The following NFIL3 variants were observed in gnomAD, a reference collection of about 807,000 sequenced individuals.
NFIL3 encodes nuclear factor interleukin-3-regulated protein.
In NFIL3, 5 loss-of-function variants were observed where a neutral mutation model predicts 10.0. That is an observed-to-expected ratio of 0.50 (90% CI 0.26 to 1.06). The LOEUF (loss-of-function observed/expected upper bound fraction) is 1.06. Ranked by LOEUF, NFIL3 falls within the 50% of genes least tolerant of loss-of-function variation. The pLI is 0.13. For synonymous variants in NFIL3, 202 were observed against 206.5 expected, an observed-to-expected ratio of 0.98 and a Z score of 0.19; for missense variants, 436 against 547.6, an observed-to-expected ratio of 0.80 and a Z score of 2.03.
At position 91,410,220 on chromosome 9, in the gene NFIL3, G is replaced by T; in HGVS notation, c.515C>A (p.Ser172Ter). 1 of 1,614,068 alleles carries T rather than the reference G, an allele frequency of 6.2e-7. No individual in the cohort carries two copies. The highest frequency in any genetic ancestry group is 8.5e-7 in the Non-Finnish European group (1 of 1,180,004). ...TTTAATGACAGAAATACAACTACTT[G>T]ACACCATCGAGGGTTCGTGCTCGTC... ...FVDEHEPSMV[S>*]SSCISVIKHS... is the part of the protein sequence containing the mutation. The change falls in exon 2 of 2, where the codon TCA becomes TAA. Residue 172 changes from serine (S) to a stop codon, truncating the protein, a stop_gained. Transcript: ENST00000297689. LOFTEE classifies it low-confidence loss of function (END_TRUNC). This position sits in a 1 kb window ranked among gnomAD's most constrained non-coding sequence, Gnocchi z 5.7.
chr9:91,412,610 G>T (rs183420312), intron 1 of NFIL3, among the ~76,000 whole-genome samples: 1 of 152,086 alleles, frequency 6.6e-6, no homozygotes, highest in Non-Finnish European at 1.5e-5. Flanking sequence ...TTGGGAGGCC[G>T]AGGTGGGCGG....
chr9:91,441,134 G>A, the NFIL3 span, among the ~76,000 whole-genome samples: 2 of 152,040 alleles, frequency 1.3e-5, no homozygotes, highest in Non-Finnish European at 2.9e-5. Flanking sequence ...GTATTGCTGT[G>A]TATTTCTTTC....
chr9:91,472,730 C>T, the NFIL3 span, among the ~76,000 whole-genome samples: 1 of 152,164 alleles, frequency 6.6e-6, no homozygotes, highest in Non-Finnish European at 1.5e-5. Context: ...ATTCTCCGTC[C>T]AGCTTTGTTC....
chr9:91,426,373 T>C (rs2118069608), upstream of NFIL3: 1 of 152,348 alleles, frequency 6.6e-6, no homozygotes, highest in Middle Eastern at 3.4e-3. Flanking sequence ...TCTAATATTA[T>C]ATCCTAGAAC....
chr9:91,470,761 C>G, the NFIL3 span, among the ~76,000 whole-genome samples: 1 of 152,070 alleles, frequency 6.6e-6, no homozygotes, highest in Non-Finnish European at 1.5e-5. Flanking sequence ...TTATATCTGT[C>G]TTCATTTCGT....
the NFIL3 span, among the ~76,000 whole-genome samples, chr9:91,450,961 C>T: frequency 3.9e-5 from 6 of 152,230 alleles, no homozygotes; most frequent in South Asian, 1.2e-3. Context: ...TAAATCTGTT[C>T]CCCAAACAGT....
chr9:91,410,693 C>T lies in NFIL3; in HGVS notation c.42G>A (p.Ala14=), dbSNP rs33973463. Residue 14 remains alanine, a synonymous_variant, in exon 2 of 2, where the codon GCG becomes GCA. Coordinates refer to ENST00000297689, the MANE Select transcript of NFIL3 (RefSeq NM_005384.3). The surrounding 1 kb of genome is among the most constrained non-coding windows in gnomAD (Gnocchi z 5.7). Reference sequence around the variant, plus strand: ...CCACATTGCTACTGGCATCAAGAGACGCCTGCTCCTTTTTGACGGTCTGCA... The same window carrying T: ...CCACATTGCTACTGGCATCAAGAGATGCCTGCTCCTTTTTGACGGTCTGCA... The part of the protein sequence containing the change: ...RKMQTVKKEQ[A]SLDASSNVDK... The T allele has an allele frequency of 0.064, 102,701 of 1,605,128 alleles. 3,706 individuals carry two copies. The highest frequency in any genetic ancestry group is 0.12 in the Middle Eastern group (716 of 5,994).
the NFIL3 span, among the ~76,000 whole-genome samples, chr9:91,434,793 A>C: frequency 6.6e-6 from 1 of 152,212 alleles, no homozygotes; most frequent in Non-Finnish European, 1.5e-5. Flanking sequence ...CTTCACCACT[A>C]TACAATTCAT....
chr9:91,474,982 A>G, the NFIL3 span, among the ~76,000 whole-genome samples: 5 of 152,214 alleles, frequency 3.3e-5, no homozygotes, highest in African/African-American at 7.2e-5. Context: ...CCACTGTACC[A>G]TCCCTGCAAG....
the NFIL3 span, among the ~76,000 whole-genome samples, chr9:91,455,782 C>T: frequency 6.6e-6 from 1 of 152,148 alleles, no homozygotes; most frequent in Non-Finnish European, 1.5e-5. Flanking sequence ...CCTAATATCC[C>T]ATTATTGGAA....
chr9:91,415,801 A>AT (rs1183798165), intron 1 of NFIL3, among the ~76,000 whole-genome samples: 6 of 151,814 alleles, frequency 4.0e-5, no homozygotes. Flanking sequence ...CTAATTTTGT[A>AT]TTTTTAGTAG....
rs117035332 is a variant in NFIL3 at position 91,414,282 on chromosome 9, C to T, written c.-172-3376G>A. 9.0e-3 allele frequency among the ~76,000 whole-genome samples: 1,371 copies of T among 152,348 alleles called. 51 individuals are homozygous for T. The East Asian group carries it at 0.12, about 13-fold the overall frequency. ...GCAATGGTACGATCTTGGCTCACCG[C>T]AACCTCTGCCTACAGGGTCCAAGCA... On this transcript the variant is annotated intron_variant, in intron 1 of 1. Transcript: ENST00000297689.
At chr9:91,465,484 T>A in the NFIL3 span, among the ~76,000 whole-genome samples, 1 of 142,528 alleles carries the variant, frequency 7.0e-6, no homozygotes, top group African/African-American at 2.7e-5. Flanking sequence ...GTATTATCCA[T>A]GTTTTTTTTT....
the NFIL3 span, among the ~76,000 whole-genome samples, chr9:91,468,853 T>G: frequency 6.6e-6 from 1 of 152,190 alleles, no homozygotes; most frequent in African/African-American, 2.4e-5. Context: ...GTTGTAGATG[T>G]GTGATGTTGT....
At chr9:91,481,132 A>G in the NFIL3 span, among the ~76,000 whole-genome samples, 1 of 152,266 alleles carries the variant, frequency 6.6e-6, no homozygotes, top group Non-Finnish European at 1.5e-5. Flanking sequence ...AGACTCCTTC[A>G]GCTAACAACG....
chr9:91,457,997 A>G, the NFIL3 span, among the ~76,000 whole-genome samples: 1 of 152,058 alleles, frequency 6.6e-6, no homozygotes, highest in East Asian at 1.9e-4. Context: ...CCAACCTTGT[A>G]TTCATGGGAT....
the NFIL3 span, among the ~76,000 whole-genome samples, chr9:91,465,276 T>A: frequency 1.9e-3 from 290 of 152,254 alleles, no homozygotes; most frequent in Non-Finnish European, 3.0e-3. Context: ...TCAGTTCTGT[T>A]TTTTAAAAAA....
the NFIL3 span, among the ~76,000 whole-genome samples, chr9:91,451,865 A>G: frequency 6.6e-6 from 1 of 152,142 alleles, no homozygotes; most frequent in African/African-American, 2.4e-5. Flanking sequence ...CAGGAATCTC[A>G]TGTCTTCTGC....
the NFIL3 span, among the ~76,000 whole-genome samples, chr9:91,458,788 T>C: frequency 6.6e-6 from 1 of 152,164 alleles, no homozygotes; most frequent in African/African-American, 2.4e-5. Flanking sequence ...GGAGGACTGC[T>C]TGAGGCCTGG....
Sources: gnomAD v4.1 joint callset for allele counts (sites outside exome capture counted in the v4.1 genomes callset) on GRCh38, gnomAD v4.1.1 for gene constraint, Gnocchi (gnomAD v3.1) non-coding constraint, MANE v1.5 for transcripts, NCBI Gene and HGNC (gene_info 2026-07-23, HGNC 2026-07-21) for gene names.